The following KDELR1 variants were observed in gnomAD, a reference collection of about 807,000 sequenced individuals.
The protein encoded by KDELR1 is ER lumen protein-retaining receptor 1.
Under a neutral mutation model 25.5 loss-of-function variants are expected in KDELR1, and 16 were observed. That is an observed-to-expected ratio of 0.63 (90% CI 0.43 to 0.95). The LOEUF is 0.95. KDELR1 is among the 40% of genes least tolerant of loss of function. KDELR1 has a pLI of 0.00. For missense variants in KDELR1, 159 were observed against 265.2 expected, an observed-to-expected ratio of 0.60 and a Z score of 2.78; for synonymous variants, 121 against 115.0, an observed-to-expected ratio of 1.05 and a Z score of -0.33.
chr19:48,386,063 C>T (rs1317716105), intron 3 of KDELR1, among the ~76,000 whole-genome samples: 1 of 151,934 alleles, frequency 6.6e-6, no homozygotes. Flanking sequence ...CTGGGGTTGC[C>T]CTTAGGGAAC....
At chr19:48,391,115 C>T (rs1970545278) in intron 1 of KDELR1, among the ~76,000 whole-genome samples, 153 bp downstream of exon 1, 2 of 152,178 alleles carry the variant, frequency 1.3e-5, no homozygotes, top group Admixed American at 1.3e-4. Flanking sequence ...GAGCTGATCC[C>T]CTGGAGACCC....
chr19:48,390,858 A>T, intron 1 of KDELR1: 2 of 427,258 alleles, frequency 4.7e-6, no homozygotes, highest in South Asian at 4.8e-5. Context: ...CGCAGTCTGG[A>T]CCTGAGGTGA....
chr19:48,382,589 G>C lies in KDELR1; in HGVS notation c.*704C>G, dbSNP rs1436780301. 6.5e-6 allele frequency: 1 copy of C among 152,758 alleles called. No individual in the cohort carries two copies. The highest frequency in any genetic ancestry group is 1.5e-5 in the Non-Finnish European group (1 of 68,244). The allele number at this position is 152,758 out of a possible 1,614,324, so 9.5% of individuals were successfully genotyped here. ...CAAAAGAAAGGTTTCATTTTCTTCT[G>C]TTTATTTCAAGAGAACAAAGATTCA... On this transcript the variant is annotated 3_prime_UTR_variant, in exon 5 of 5. Coordinates refer to ENST00000330720, the MANE Select transcript of KDELR1 (RefSeq NM_006801.3).
intron 3 of KDELR1, among the ~76,000 whole-genome samples, chr19:48,388,731 G>T (rs1160064642): frequency 7.0e-6 from 1 of 142,264 alleles, no homozygotes; most frequent in East Asian, 2.1e-4. Context: ...AGAAAAGGAA[G>T]AAAGGAAGAA....
chr19:48,389,029 G>C (rs1418313699), intron 3 of KDELR1, among the ~76,000 whole-genome samples: 2 of 152,210 alleles, frequency 1.3e-5, no homozygotes, highest in Non-Finnish European at 2.9e-5. Flanking sequence ...CCAGCACTTT[G>C]GGAGGCCAAG....
At chr19:48,391,136 A>T in intron 1 of KDELR1, 132 bp downstream of exon 1, 1 of 776,990 alleles carries the variant, frequency 1.3e-6, no homozygotes, top group Non-Finnish European at 2.2e-6. Flanking sequence ...AGAACCTAGA[A>T]GAGAGATCCC....
chr19:48,392,165 G>A (rs1333716369), upstream of KDELR1, among the ~76,000 whole-genome samples: 1 of 129,202 alleles, frequency 7.7e-6, no homozygotes, highest in East Asian at 2.5e-4. Flanking sequence ...TCAGACCCAG[G>A]AGTCCAGGCC....
Position 48,383,122 on chromosome 19 carries a change from C to A in KDELR1, c.*171G>T, listed in dbSNP as rs1600954707. The A allele has an allele frequency of 1.5e-6, 1 of 668,484 alleles. No homozygotes were observed. The highest frequency in any genetic ancestry group is 1.8e-5 in the African/African-American group (1 of 55,370). The allele number at this position is 668,484 out of a possible 1,614,324, so 41.4% of individuals were successfully genotyped here. On this transcript the variant is annotated 3_prime_UTR_variant, in exon 5 of 5. Coordinates refer to ENST00000330720, the MANE Select transcript of KDELR1 (RefSeq NM_006801.3). Reference sequence around the variant, plus strand: ...CTACAAACAGCCCAAGTCCTGAGCTCCCCAAGACCTGGATCCTCCACTGTC... The same window carrying A: ...CTACAAACAGCCCAAGTCCTGAGCTACCCAAGACCTGGATCCTCCACTGTC...
chr19:48,393,690 C>T (rs1172981110), upstream of KDELR1, among the ~76,000 whole-genome samples: 3 of 151,824 alleles, frequency 2.0e-5, no homozygotes, highest in Non-Finnish European at 2.9e-5. This position sits in a 1 kb window ranked among gnomAD's most constrained non-coding sequence, Gnocchi z 5.6. Context: ...TGTGTGTGTG[C>T]GAGAACACAG....
chr19:48,392,659 G>A (rs77698093), upstream of KDELR1, among the ~76,000 whole-genome samples: 53 of 152,256 alleles, frequency 3.5e-4, no homozygotes, highest in African/African-American at 1.3e-3. Flanking sequence ...CAGACCTTGA[G>A]GATGAAGGAA....
chr19:48,395,265 C>G (rs909552614), upstream of KDELR1, among the ~76,000 whole-genome samples: 11 of 151,924 alleles, frequency 7.2e-5, no homozygotes, highest in South Asian at 2.1e-4. Flanking sequence ...CCTGTACCCC[C>G]CTCCCTGCAT....
the KDELR1 span, among the ~76,000 whole-genome samples, chr19:48,397,201 G>T: frequency 1.3e-5 from 2 of 152,112 alleles, no homozygotes; most frequent in Non-Finnish European, 2.9e-5. Flanking sequence ...GGACTAAGGG[G>T]ACAAAATGGG....
Position 48,389,496 on chromosome 19 carries a change from CAT to C in KDELR1, c.351+55_351+56del. The C allele has an allele frequency of 5.6e-6, 9 of 1,602,756 alleles. No homozygotes were observed. The East Asian group carries it at 1.8e-4, about 32-fold the overall frequency. Reference sequence around the variant, plus strand: ...GGAAGCCTGTGAGAGGGTCTCCTGTCATAGCTACTCTGCCACAACCATCCCCC... The same window carrying C: ...GGAAGCCTGTGAGAGGGTCTCCTGTCAGCTACTCTGCCACAACCATCCCCC... On this transcript the variant is annotated intron_variant, in intron 3 of 4. Transcript: ENST00000330720.
intron 2 of KDELR1, 128 bp downstream of exon 2, chr19:48,390,296 C>T (rs796517359): frequency 1.3e-5 from 8 of 631,404 alleles, no homozygotes; most frequent in African/African-American, 2.1e-5. Context: ...TCCAGGCCCC[C>T]GGCCCCTCCT....
Position 48,391,439 on chromosome 19 carries a change from G to A in KDELR1, c.-81C>T. 1.8e-6 allele frequency: 2 copies of A among 1,141,916 alleles called. No individual in the cohort carries two copies. Among genetic ancestry groups the A allele is most frequent in the South Asian group, 2.7e-5 (2 of 75,366 alleles). 70.7% of individuals were successfully genotyped at this position (1,141,916 alleles called of 1,614,324 possible). On this transcript the variant is annotated 5_prime_UTR_variant, in exon 1 of 5. Transcript: ENST00000330720. The stretch of plus-strand genomic sequence containing the variant: ...CCCCCCGAGGCTGCTGGTCTGAACG[G>A]GTAGCTGGGCTGGGGGGACGGAAGA...
chr19:48,388,461 G>GCA (rs2147422144), intron 3 of KDELR1, among the ~76,000 whole-genome samples: 1 of 151,846 alleles, frequency 6.6e-6, no homozygotes, highest in Non-Finnish European at 1.5e-5. Context: ...TGAGGAGAGT[G>GCA]GATCACCTGA....
At chr19:48,388,852 A>C (rs1232307114) in intron 3 of KDELR1, among the ~76,000 whole-genome samples, 1 of 149,958 alleles carries the variant, frequency 6.7e-6, no homozygotes, top group Non-Finnish European at 1.5e-5. Flanking sequence ...GGAAAGGAAG[A>C]AGGAAAGGAA....
chr19:48,390,976 G>A (rs1486294716), intron 1 of KDELR1: 2 of 501,324 alleles, frequency 4.0e-6, no homozygotes, highest in East Asian at 3.8e-5. Flanking sequence ...CCACCTCCCC[G>A]CCTGCCATGG....
chr19:48,387,687 G>GAAAAAAAAAAAAAAAAAAAA (rs957905797), intron 3 of KDELR1: 1 of 87,002 alleles, frequency 1.1e-5, no homozygotes, highest in African/African-American at 3.8e-5. Flanking sequence ...TCTCAAAAAA[G>GAAAAAAAAAAAAAAAAAAAA]AAAAAAAAAA....
Sources: allele counts gnomAD v4.1 joint callset (sites outside exome capture counted in the v4.1 genomes callset), GRCh38; gene constraint gnomAD v4.1.1; non-coding constraint Gnocchi (gnomAD v3.1); transcripts MANE v1.5; gene names NCBI Gene and HGNC (gene_info 2026-07-23, HGNC 2026-07-21).